Variants in PHF21B observed in about 807,000 individuals in gnomAD.
PHF21B encodes the protein PHD finger protein 4.
A neutral mutation model predicts 62.2 loss-of-function variants in PHF21B; 22 were observed. The ratio of observed to expected loss-of-function variants is 0.35; its 90% confidence interval spans 0.25 to 0.51. PHF21B has a LOEUF of 0.51. Ranked by LOEUF, PHF21B falls within the 20% of genes least tolerant of loss-of-function variation. The probability of loss-of-function intolerance (pLI) is 0.97; values close to 1 mark genes in which losing one functional copy is unlikely to be tolerated. For missense variants in PHF21B, 701 were observed against 707.9 expected, an observed-to-expected ratio of 0.99 and a Z score of 0.11; for synonymous variants, 341 against 314.7, an observed-to-expected ratio of 1.08 and a Z score of -0.88.
chr22:44,932,042 T>G (rs1169511058), intron 2 of PHF21B, among the ~76,000 whole-genome samples: 1 of 152,178 alleles, frequency 6.6e-6, no homozygotes, highest in East Asian at 1.9e-4. Context: ...AGACGCAGCC[T>G]TGAGGCCTTG....
At chr22:44,980,306 A>G (rs2072816553) in intron 2 of PHF21B, among the ~76,000 whole-genome samples, 1 of 152,182 alleles carries the variant, frequency 6.6e-6, no homozygotes, top group South Asian at 2.1e-4. Context: ...AGGTGTCTCT[A>G]TCTACACCTC....
At chr22:45,007,557 G>A (rs1432108561) in intron 2 of PHF21B, among the ~76,000 whole-genome samples, 1 of 72,026 alleles carries the variant, frequency 1.4e-5, no homozygotes, top group East Asian at 2.3e-4. Flanking sequence ...GCGGGGGCGG[G>A]GCGCGAAGGA....
chr22:45,000,413 G>A (rs537504570), intron 2 of PHF21B, among the ~76,000 whole-genome samples: 32 of 152,194 alleles, frequency 2.1e-4, no homozygotes, highest in Admixed American at 7.8e-4. Flanking sequence ...TAGCAGCCTC[G>A]TGTGTTCGCT....
intron 2 of PHF21B, among the ~76,000 whole-genome samples, chr22:44,999,594 CG>C (rs1403656520): frequency 6.6e-6 from 1 of 152,144 alleles, no homozygotes; most frequent in Non-Finnish European, 1.5e-5. Context: ...TCTCCAACAT[CG>C]TAACTCCACT....
At chr22:44,893,045 G>A (rs1042652110) in intron 7 of PHF21B, among the ~76,000 whole-genome samples, 2 of 151,832 alleles carry the variant, frequency 1.3e-5, no homozygotes, top group African/African-American at 4.8e-5. Context: ...GCTCCAGGCT[G>A]TGCACATCCT....
intron 2 of PHF21B, among the ~76,000 whole-genome samples, chr22:44,960,319 T>C (rs966461142): frequency 1.3e-5 from 2 of 152,142 alleles, no homozygotes; most frequent in Non-Finnish European, 2.9e-5. Context: ...AAGACAATTA[T>C]CTCTTTTTTC....
rs774849680 is a variant in PHF21B, at chr22:44,893,430, G to A, written c.960+27C>T. On this transcript the variant is annotated intron_variant, in intron 7 of 12. Coordinates refer to ENST00000313237, the MANE Select transcript of PHF21B (RefSeq NM_138415.5). ...TGCACTGGGAGCCCCCACCCTCCTGGTGGCATGGGGCTGGCGGGTTCCCCA... is the reference window on the plus strand; with the variant it reads ...TGCACTGGGAGCCCCCACCCTCCTGATGGCATGGGGCTGGCGGGTTCCCCA... 2.5e-6 allele frequency: 4 copies of A among 1,575,952 alleles called. No homozygotes were observed. In the Admixed American group the frequency reaches 5.5e-5, roughly 21 times the overall value.
At chr22:44,885,381 C>T in intron 12 of PHF21B, 45 bp downstream of exon 12, 3 of 1,517,192 alleles carry the variant, frequency 2.0e-6, no homozygotes, top group Non-Finnish European at 2.7e-6. Flanking sequence ...ACCCGGGGCA[C>T]ACCTGCAGGG....
In PHF21B at chr22:44,887,260, G is replaced by A. The variant is rs138894212; in HGVS notation, c.1197+703C>T. 6.6e-3 allele frequency among the ~76,000 whole-genome samples: 999 copies of A among 151,454 alleles called. 9 individuals carry two copies. Among genetic ancestry groups the A allele is most frequent in the African/African-American group, 0.02 (809 of 41,276 alleles). On this transcript the variant is annotated intron_variant, in intron 10 of 12. Coordinates refer to ENST00000313237, the MANE Select transcript of PHF21B (RefSeq NM_138415.5). ...TTGAAGCCAAGCACTGCTGCCACCC[G>A]CCACCCACCACACTCAGGGGCCACA... is the stretch of plus-strand genomic sequence containing the variant.
chr22:44,923,188 CAT>C lies in PHF21B; in HGVS notation c.121-2700_121-2699del, dbSNP rs1416933245. On this transcript the variant is annotated intron_variant, in intron 2 of 12. Coordinates refer to ENST00000313237, the MANE Select transcript of PHF21B (RefSeq NM_138415.5). ...AGAGTCCAAAGTAGACTTACACATA[CAT>C]AGTCCATTGATTTTCAGCAAAGCCC... 4.6e-5 allele frequency among the ~76,000 whole-genome samples: 7 copies of C among 152,222 alleles called. No homozygotes were observed. The East Asian group carries it at 1.3e-3, about 29-fold the overall frequency.
At chr22:44,916,730 G>T in intron 3 of PHF21B, 100 bp from the exon 4 acceptor site, 1 of 1,065,014 alleles carries the variant, frequency 9.4e-7, no homozygotes. Flanking sequence ...CAAGGGGAAG[G>T]GGCAGCACTG....
At chr22:44,890,623 G>C (rs117577380) in intron 8 of PHF21B, among the ~76,000 whole-genome samples, 1 of 152,242 alleles carries the variant, frequency 6.6e-6, no homozygotes, top group Non-Finnish European at 1.5e-5. Flanking sequence ...TTTCCTGCTC[G>C]TGGGACTATG....
At chr22:44,961,439 A>G (rs552234591) in intron 2 of PHF21B, among the ~76,000 whole-genome samples, 137 of 152,258 alleles carry the variant, frequency 9.0e-4, no homozygotes, top group African/African-American at 3.1e-3. Flanking sequence ...AGGAGTCCCT[A>G]GTATCCACTG....
rs2073378802 is a variant in PHF21B at position 45,009,061 on chromosome 22, G to A, written c.54+435C>T. 3 of 1,114,978 alleles carry A rather than the reference G, an allele frequency of 2.7e-6. No homozygotes were observed. The highest frequency in any genetic ancestry group is 9.8e-5 in the Admixed American group (2 of 20,466). The allele number at this position is 1,114,978 out of a possible 1,614,324, so 69.1% of individuals were successfully genotyped here. On this transcript the variant is annotated intron_variant, in intron 1 of 12. Coordinates refer to ENST00000313237, the MANE Select transcript of PHF21B (RefSeq NM_138415.5). The surrounding 1 kb of genome is among the most constrained non-coding windows in gnomAD (Gnocchi z 5.9). ...GCCGAGCCCCGCTCAGGCTCCGGCCGCCACGCCGCCGCTCGCCAGCAGCGA... is the reference window on the plus strand; with the variant it reads ...GCCGAGCCCCGCTCAGGCTCCGGCCACCACGCCGCCGCTCGCCAGCAGCGA...
chr22:44,925,172 C>T (rs75807533), intron 2 of PHF21B, among the ~76,000 whole-genome samples: 5,428 of 152,258 alleles, frequency 0.036, 361 homozygotes, highest in African/African-American at 0.12. Context: ...GATTACAAAA[C>T]GACACCAGGA....
At chr22:45,007,174 C>G (rs893223573) in intron 2 of PHF21B, among the ~76,000 whole-genome samples, 1 of 151,410 alleles carries the variant, frequency 6.6e-6, no homozygotes, top group African/African-American at 2.4e-5. Context: ...CCCGGCGGCC[C>G]AGACCAGGCG....
intron 2 of PHF21B, among the ~76,000 whole-genome samples, chr22:44,934,075 TTCCTCTCCTCTGACGTGGGCA>T (rs1366321726): frequency 6.6e-6 from 1 of 152,212 alleles, no homozygotes; most frequent in Admixed American, 6.5e-5. Context: ...TGACCTCTGC[TTCCTCTCCTCTGACGTGGGCA>T]TGGCAGCCCG....
chr22:44,965,947 T>C (rs560709835), intron 2 of PHF21B, among the ~76,000 whole-genome samples: 5 of 152,242 alleles, frequency 3.3e-5, no homozygotes, highest in Admixed American at 1.3e-4. Flanking sequence ...GTGAGCCCCA[T>C]CCAGAAATCC....
At chr22:44,924,378 T>G (rs2071593115) in intron 2 of PHF21B, among the ~76,000 whole-genome samples, 1 of 152,132 alleles carries the variant, frequency 6.6e-6, no homozygotes, top group African/African-American at 2.4e-5. Context: ...GTTAAAAAGT[T>G]AAACTTATGT....
Sources: allele counts gnomAD v4.1 joint callset (sites outside exome capture counted in the v4.1 genomes callset), GRCh38; gene constraint gnomAD v4.1.1; non-coding constraint Gnocchi (gnomAD v3.1); transcripts MANE v1.5; gene names NCBI Gene and HGNC (gene_info 2026-07-23, HGNC 2026-07-21).